Variants in MCM10 observed in about 807,000 individuals in gnomAD.
The protein encoded by MCM10 is minichromosome maintenance 10 replication initiation factor.
MCM10 carries 91 observed loss-of-function variants against 109.9 expected under a neutral mutation model. That is an observed-to-expected ratio of 0.83 (90% confidence interval 0.70 to 0.99). The LOEUF (loss-of-function observed/expected upper bound fraction) is 0.99. MCM10 is among the 50% of genes least tolerant of loss of function. The pLI is 0.00. For missense variants in MCM10, 1,077 were observed against 1,061.2 expected (o/e 1.01, Z -0.21); for synonymous variants, 380 against 387.2 (o/e 0.98, Z 0.22).
chr10:13,170,698 G>GTTTGT (rs1834059311), intron 2 of MCM10, among the ~76,000 whole-genome samples: 1 of 152,074 alleles, frequency 6.6e-6, no homozygotes, highest in Non-Finnish European at 1.5e-5. Flanking sequence ...TTGTTTGTTT[G>GTTTGT]TTTTTTTAGT....
At chr10:13,164,327 T>C in intron 2 of MCM10, 118 bp downstream of exon 2, 2 of 911,010 alleles carry the variant, frequency 2.2e-6, no homozygotes, top group Non-Finnish European at 3.2e-6. Context: ...TCAGGTATTG[T>C]CTTAGTGGTT....
chr10:13,180,646 A>T (rs758127145), intron 7 of MCM10, 39 bp downstream of exon 7: 1 of 1,605,378 alleles, frequency 6.2e-7, no homozygotes, highest in South Asian at 1.1e-5. Flanking sequence ...TTTTACTACA[A>T]ACTGACAGTG....
intron 18 of MCM10, among the ~76,000 whole-genome samples, chr10:13,208,566 CAAA>C (rs55683228): frequency 1.0e-3 from 116 of 114,454 alleles, no homozygotes; most frequent in Non-Finnish European, 1.6e-3. Flanking sequence ...CCCATCTCTC[CAAA>C]AAAAAAAAAA....
intron 3 of MCM10, among the ~76,000 whole-genome samples, chr10:13,171,767 A>ATT (rs548034964): frequency 6.8e-6 from 1 of 146,770 alleles, no homozygotes. Context: ...AGTAAATATA[A>ATT]TTTTTTTTTT....
rs779963847 is a variant in MCM10 at position 13,195,035 on chromosome 10, T to C, written c.1746-6T>C. The C allele has an allele frequency of 1.3e-5, 21 of 1,611,552 alleles. No homozygotes were observed. The Admixed American group carries it at 3.4e-4, about 26-fold the overall frequency. On this transcript the variant is annotated splice_polypyrimidine_tract_variant and splice_region_variant and intron_variant, in intron 13 of 19. Transcript: ENST00000378714. Reference sequence around the variant, plus strand: ...TTTGCGTATTTTGACTGTATGTTCTTTAAAGATTTCTGCAGAGCTCAAGTG... The same window carrying C: ...TTTGCGTATTTTGACTGTATGTTCTCTAAAGATTTCTGCAGAGCTCAAGTG...
intron 6 of MCM10, among the ~76,000 whole-genome samples, chr10:13,177,480 T>C (rs1321869168): frequency 1.3e-5 from 2 of 151,488 alleles, no homozygotes; most frequent in Non-Finnish European, 2.9e-5. Flanking sequence ...AGTGTCATGT[T>C]TGTGCTCAAA....
rs1292985424 is a variant in MCM10 at position 13,170,673 on chromosome 10, G to T, written c.8-249G>T. On this transcript the variant is annotated intron_variant, in intron 2 of 19. Transcript: ENST00000378714. ...CAAAATGGTGCATCTGTAGGTTTTT[G>T]TTTTTTTTGTTTGTTTGTTTGTTTG... 1.3e-5 allele frequency among the ~76,000 whole-genome samples: 2 copies of T among 151,164 alleles called. No individual in the cohort carries two copies. The highest frequency in any genetic ancestry group is 4.9e-5 in the African/African-American group (2 of 41,228).
In MCM10 at chr10:13,186,196, C is replaced by G; in HGVS notation, c.1131C>G (p.Val377=). 1 of 1,612,950 alleles carries G rather than the reference C, an allele frequency of 6.2e-7. No individual in the cohort carries two copies. Among genetic ancestry groups the G allele is most frequent in the Non-Finnish European group, 8.5e-7 (1 of 1,179,212 alleles). The stretch of plus-strand genomic sequence containing the variant: ...TATCTATCGATCATCCTCAGAAGGT[C>G]TTAATTATGGGTGAAGCTCTTGACC... The part of the protein sequence containing the change: ...VCLSIDHPQK[V]LIMGEALDLG... Residue 377 remains valine (V), a synonymous_variant, in exon 9 of 20, where the codon GTC becomes GTG. Transcript: ENST00000378714.
Position 13,192,446 on chromosome 10 carries a change from T to G in MCM10, c.1628-5T>G, listed in dbSNP as rs368798868. 13 of 1,614,144 alleles carry G rather than the reference T, an allele frequency of 8.1e-6. No homozygotes were observed. Among genetic ancestry groups the G allele is most frequent in the Non-Finnish European group, 1.1e-5 (13 of 1,179,998 alleles). On this transcript the variant is annotated splice_polypyrimidine_tract_variant and splice_region_variant and intron_variant, in intron 12 of 19. Coordinates refer to ENST00000378714, the MANE Select transcript of MCM10 (RefSeq NM_018518.5). ...GCACCCCCTCAGTCTGGGCTTCTGT[T>G]TCAGGGATTATGGGGAGCCCAAAAC...
At position 13,186,291 on chromosome 10, in the gene MCM10, G is replaced by C. The variant is rs1339480730; in HGVS notation, c.1215+11G>C. 6.4e-7 allele frequency: 1 copy of C among 1,552,290 alleles called. No homozygotes were observed. Among genetic ancestry groups the C allele is most frequent in the South Asian group, 1.1e-5 (1 of 89,562 alleles). ...CAGACTGTGAATTTGGTTGGTTTCA[G>C]CCTTGTTAGGATGGTTTCTGCTAAA... On this transcript the variant is annotated intron_variant, in intron 9 of 19. Transcript: ENST00000378714.
At chr10:13,204,998 GTATGTATATATATATATATA>G (rs1248602199) in intron 18 of MCM10, among the ~76,000 whole-genome samples, 214 of 19,552 alleles carry the variant, frequency 0.011, 11 homozygotes, top group Middle Eastern at 0.045. Flanking sequence ...ATGTATGTAT[GTATGTATATATATATATATA>G]TATATATATA....
intron 8 of MCM10, among the ~76,000 whole-genome samples, chr10:13,183,613 T>C (rs1467637063): frequency 6.6e-6 from 1 of 152,254 alleles, no homozygotes; most frequent in Non-Finnish European, 1.5e-5. Context: ...ACTACTTTTA[T>C]TCCATCTTTT....
At chr10:13,203,059 G>A (rs988738877) in intron 17 of MCM10, among the ~76,000 whole-genome samples, 2 of 151,992 alleles carry the variant, frequency 1.3e-5, no homozygotes. Context: ...TGGACATGCT[G>A]GTCTGGAACT....
At position 13,192,282 on chromosome 10, in the gene MCM10, C is replaced by G; in HGVS notation, c.1544C>G (p.Ser515Cys). The G allele has an allele frequency of 6.2e-7, 1 of 1,614,126 alleles. No individual in the cohort carries two copies. ...LGIPQKSLSC[S>C]EEFKELMDLP... is the part of the protein sequence containing the mutation. ...ATACCCCAGAAGAGCCTGTCTTGCT[C>G]TGAGGAGTTCAAGGAACTGATGGAC... The change falls in exon 12 of 20, where the codon TCT becomes TGT. Residue 515 changes from serine to cysteine, a missense_variant. Physicochemically the swap from Ser to Cys is moderately radical, Grantham distance 112 (BLOSUM62 -1). Coordinates refer to ENST00000378714, the MANE Select transcript of MCM10 (RefSeq NM_018518.5).
Position 13,188,928 on chromosome 10 carries a change from G to A in MCM10, c.1263G>A (p.Lys421=), listed in dbSNP as rs1834310545. ...ACCATGTCCAGGCTCAGTACAAGAAGCTCAGCGCAAAGCGTGCGGATCTGC... is the reference window on the plus strand; with the variant it reads ...ACCATGTCCAGGCTCAGTACAAGAAACTCAGCGCAAAGCGTGCGGATCTGC... The part of the protein sequence containing the change: ...CQYHVQAQYK[K]LSAKRADLQS... The change falls in exon 10 of 20, where the codon AAG becomes AAA. Residue 421 remains lysine, a synonymous_variant. Transcript: ENST00000378714. 1 of 1,614,238 alleles carries A rather than the reference G, an allele frequency of 6.2e-7. No homozygotes were observed. Among genetic ancestry groups the A allele is most frequent in the Non-Finnish European group, 8.5e-7 (1 of 1,180,030 alleles).
intron 6 of MCM10, among the ~76,000 whole-genome samples, chr10:13,176,588 C>G (rs1031727156): frequency 6.6e-6 from 1 of 152,306 alleles, no homozygotes; most frequent in East Asian, 1.9e-4. Flanking sequence ...ACAAGTGTTG[C>G]CAACATACAA....
chr10:13,204,473 C>A, intron 18 of MCM10, 109 bp downstream of exon 18: 1 of 1,373,368 alleles, frequency 7.3e-7, no homozygotes, highest in Non-Finnish European at 1.0e-6. Context: ...CCATGCCTTC[C>A]TATAGCTCCA....
chr10:13,172,535 A>G lies in MCM10; in HGVS notation c.454+55A>G, dbSNP rs1201551388. 1 of 1,590,868 alleles carries G rather than the reference A, an allele frequency of 6.3e-7. No individual in the cohort carries two copies. Among genetic ancestry groups the G allele is most frequent in the African/African-American group, 1.3e-5 (1 of 74,546 alleles). On this transcript the variant is annotated intron_variant, in intron 4 of 19. Coordinates refer to ENST00000378714, the MANE Select transcript of MCM10 (RefSeq NM_018518.5). This position sits in a 1 kb window ranked among gnomAD's most constrained non-coding sequence, Gnocchi z 5.2. ...TGCATTTATTTTATTAGAAATTATC[A>G]CATCATTTCTGCATCCAACTCCTGT...
rs771564869 is a variant in MCM10 at position 13,197,771 on chromosome 10, C to T, written c.2119+4C>T. On this transcript the variant is annotated splice_donor_region_variant and intron_variant, in intron 15 of 19. Transcript: ENST00000378714. ...AACACCATGTTTTCTTCTCAAGGTACTGCAGTTTCACAGTTAACAGTGGGA... is the reference window on the plus strand; with the variant it reads ...AACACCATGTTTTCTTCTCAAGGTATTGCAGTTTCACAGTTAACAGTGGGA... The T allele has an allele frequency of 2.5e-5, 40 of 1,607,262 alleles. No homozygotes were observed. Among genetic ancestry groups the T allele is most frequent in the Non-Finnish European group, 3.3e-5 (39 of 1,178,524 alleles).
Sources: gnomAD v4.1 joint callset for allele counts (sites outside exome capture counted in the v4.1 genomes callset) on GRCh38, gnomAD v4.1.1 for gene constraint, Gnocchi (gnomAD v3.1) non-coding constraint, MANE v1.5 for transcripts, NCBI Gene and HGNC (gene_info 2026-07-23, HGNC 2026-07-21) for gene names.